The following C5 variants were observed in gnomAD, a reference collection of about 807,000 sequenced individuals.
C5 encodes the protein complement C5, also known as C3 and PZP-like alpha-2-macroglobulin domain-containing protein 4.
C5 carries 140 observed loss-of-function variants against 218.8 expected under a neutral mutation model. The ratio of observed to expected loss-of-function variants is 0.64; its 90% CI spans 0.56 to 0.74. The LOEUF is 0.74. Among genes scored for constraint, C5 ranks in the 30% least tolerant of loss-of-function variants. The pLI is 0.00. For missense variants in C5, 1,700 were observed against 1,969.6 expected (o/e 0.86, Z 2.59); for synonymous variants, 614 against 682.3 (o/e 0.90, Z 1.56).
At chr9:121,029,581 G>A (rs1363065097) in intron 7 of C5, among the ~76,000 whole-genome samples, 6 of 152,116 alleles carry the variant, frequency 3.9e-5, no homozygotes, top group Non-Finnish European at 8.8e-5. Context: ...AATGACCTAA[G>A]CTTTTGTGAT....
chr9:120,966,680 G>T (rs2269065), intron 33 of C5, among the ~76,000 whole-genome samples: 10,778 of 152,212 alleles, frequency 0.071, 882 homozygotes, highest in East Asian at 0.19. Flanking sequence ...TGGCATTTAG[G>T]GGGAAAGAAG....
intron 33 of C5, among the ~76,000 whole-genome samples, chr9:120,964,994 A>G (rs1419034880): frequency 2.6e-5 from 4 of 152,132 alleles, no homozygotes; most frequent in Non-Finnish European, 4.4e-5. Context: ...ATTCTGTAAA[A>G]GTTGATTTCA....
At chr9:121,039,311 G>A (rs769258971) in intron 3 of C5, among the ~76,000 whole-genome samples, 5 of 152,142 alleles carry the variant, frequency 3.3e-5, no homozygotes, top group Non-Finnish European at 7.4e-5. Flanking sequence ...ATGGTACATT[G>A]GAGGCAAGAT....
At position 120,969,000 on chromosome 9, in the gene C5, C is replaced by A. The variant is rs1040573101; in HGVS notation, c.4220+61G>T. On this transcript the variant is annotated intron_variant, in intron 33 of 40. Coordinates refer to ENST00000223642, the MANE Select transcript of C5 (RefSeq NM_001735.3). ...CAAAATTTGAAAATATGTAAAGAAACAATACGTTAACAAAAATGAGAACTT... is the reference window on the plus strand; with the variant it reads ...CAAAATTTGAAAATATGTAAAGAAAAAATACGTTAACAAAAATGAGAACTT... The A allele has an allele frequency of 2.9e-6, 4 of 1,382,190 alleles. No homozygotes were observed. The African/African-American group carries it at 5.7e-5, about 20-fold the overall frequency. The allele number at this position is 1,382,190 out of a possible 1,614,324, so 85.6% of individuals were successfully genotyped here. A position where few individuals can be genotyped will look rare whatever the true frequency, so the allele number is the denominator to read the frequency against.
At chr9:120,954,920 C>A (rs1167273242) in intron 39 of C5, among the ~76,000 whole-genome samples, 1 of 152,186 alleles carries the variant, frequency 6.6e-6, no homozygotes, top group Non-Finnish European at 1.5e-5. Flanking sequence ...CCATTTCAGC[C>A]CCTGTCATAG....
chr9:120,978,799 A>G (rs2046970840), intron 28 of C5, among the ~76,000 whole-genome samples: 1 of 152,216 alleles, frequency 6.6e-6, no homozygotes, highest in Non-Finnish European at 1.5e-5. Context: ...AATATAAGCC[A>G]GGTCATGCAC....
intron 35 of C5, 30 bp from the exon 36 acceptor site, chr9:120,962,806 A>G (rs750356445): frequency 6.2e-6 from 10 of 1,601,842 alleles, no homozygotes; most frequent in African/African-American, 4.0e-5. Flanking sequence ...ATTTAAGGAA[A>G]TTATGGAGAG....
chr9:120,971,013 A>C (rs2046908100), intron 31 of C5, among the ~76,000 whole-genome samples: 1 of 152,060 alleles, frequency 6.6e-6, no homozygotes. Flanking sequence ...CTCTACTAAA[A>C]ATACAAAAAT....
intron 11 of C5, 47 bp from the exon 12 acceptor site, chr9:121,020,226 T>C (rs766233655): frequency 1.5e-6 from 2 of 1,295,514 alleles, no homozygotes; most frequent in Admixed American, 3.4e-5. Flanking sequence ...GATGTAATGC[T>C]TTCTGTAAAA....
chr9:121,040,524 A>C (rs1046091087), intron 3 of C5, among the ~76,000 whole-genome samples: 1 of 152,240 alleles, frequency 6.6e-6, no homozygotes, highest in Non-Finnish European at 1.5e-5. Flanking sequence ...AGCTATAAAT[A>C]ACAAGACGAT....
chr9:120,970,051 A>G (rs2046899332), intron 32 of C5, 119 bp downstream of exon 32: 1 of 719,842 alleles, frequency 1.4e-6, no homozygotes, highest in African/African-American at 1.8e-5. Context: ...CTGCTAAAGT[A>G]TTTGGTTAAG....
chr9:120,986,925 G>A (rs898351983), intron 25 of C5, among the ~76,000 whole-genome samples: 9 of 152,086 alleles, frequency 5.9e-5, no homozygotes, highest in Non-Finnish European at 1.5e-5. Context: ...CTTTTGAAGT[G>A]TGTCACCCAC....
intron 36 of C5, among the ~76,000 whole-genome samples, chr9:120,962,190 T>C (rs1338712245): frequency 6.6e-6 from 1 of 152,212 alleles, no homozygotes; most frequent in East Asian, 1.9e-4. Context: ...CTGCGTTAGA[T>C]ACTAGGGACA....
chr9:120,970,068 C>T, intron 32 of C5, 102 bp downstream of exon 32: 1 of 800,896 alleles, frequency 1.2e-6, no homozygotes, highest in Non-Finnish European at 2.1e-6. Context: ...TAAGAAATTT[C>T]ACTTTTTGAG....
At chr9:120,986,484 G>C (rs2047033809) in intron 25 of C5, among the ~76,000 whole-genome samples, 1 of 151,894 alleles carries the variant, frequency 6.6e-6, no homozygotes, top group Non-Finnish European at 1.5e-5. Context: ...AAAAGTTTGA[G>C]GGTATTTAGG....
chr9:121,012,258 A>G (rs898922761), intron 17 of C5, among the ~76,000 whole-genome samples: 4 of 152,162 alleles, frequency 2.6e-5, no homozygotes, highest in Admixed American at 1.3e-4. Context: ...AAATTTAAAA[A>G]TTAAAAAAAA....
upstream of C5, among the ~76,000 whole-genome samples, chr9:121,055,102 T>C (rs2047691756): frequency 1.3e-5 from 2 of 152,146 alleles, no homozygotes; most frequent in Admixed American, 6.5e-5. Context: ...TGCTTGGAGA[T>C]GTCCTGCTTT....
At chr9:120,996,987 TAAC>T (rs2047122276) in intron 21 of C5, among the ~76,000 whole-genome samples, 2 of 151,978 alleles carry the variant, frequency 1.3e-5, no homozygotes, top group East Asian at 3.8e-4. Context: ...TGAATACAAT[TAAC>T]AGACTGTGGG....
chr9:120,984,386 G>A (rs575923378), intron 25 of C5, among the ~76,000 whole-genome samples: 108 of 152,116 alleles, frequency 7.1e-4, no homozygotes, highest in South Asian at 4.8e-3. Flanking sequence ...ATACTTCTAC[G>A]GATTGCTCAG....
Sources: allele counts gnomAD v4.1 joint callset (sites outside exome capture counted in the v4.1 genomes callset), GRCh38; gene constraint gnomAD v4.1.1; transcripts MANE v1.5; gene names NCBI Gene and HGNC (gene_info 2026-07-23, HGNC 2026-07-21).